The following CCDC178 variants were observed in gnomAD, a reference collection of about 807,000 sequenced individuals.
CCDC178 encodes the protein coiled-coil domain containing 178.
A neutral mutation model predicts 117.4 loss-of-function variants in CCDC178; 126 were observed. The ratio of observed to expected loss-of-function variants is 1.07; its 90% confidence interval spans 0.93 to 1.24. The LOEUF is 1.24. Among genes scored for constraint, CCDC178 ranks in the 50% most tolerant of loss-of-function variants. CCDC178 has a pLI of 0.00. For synonymous variants in CCDC178, 283 were observed against 313.4 expected (o/e 0.90, Z 1.02); for missense variants, 1,030 against 986.9 (o/e 1.04, Z -0.59).
intron 22 of CCDC178, among the ~76,000 whole-genome samples, chr18:32,958,966 G>A (rs1002180079): frequency 1.3e-5 from 2 of 152,128 alleles, no homozygotes; most frequent in Non-Finnish European, 2.9e-5. Context: ...CTCTGGACCC[G>A]TAACTCAGCT....
chr18:32,973,640 G>T (rs1208419557), intron 22 of CCDC178, among the ~76,000 whole-genome samples: 1 of 151,836 alleles, frequency 6.6e-6, no homozygotes, highest in Non-Finnish European at 1.5e-5. Context: ...ATTTGAAATC[G>T]CTTCATAGCT....
intron 20 of CCDC178, among the ~76,000 whole-genome samples, chr18:33,209,759 T>C (rs1239181629): frequency 6.6e-6 from 1 of 152,052 alleles, no homozygotes; most frequent in Non-Finnish European, 1.5e-5. Context: ...ACAAGAGCTA[T>C]CCAAGAAACT....
intron 5 of CCDC178, among the ~76,000 whole-genome samples, chr18:33,371,318 T>A (rs1040874279): frequency 6.6e-6 from 1 of 151,940 alleles, no homozygotes; most frequent in African/African-American, 2.4e-5. Context: ...AATGACCTTT[T>A]TATGAGCACT....
Position 33,370,152 on chromosome 18 carries a change from T to C in CCDC178, c.246A>G (p.Arg82=). ...NKGIYFSYPC[R]RHSCAVVNIP... is the part of the protein sequence containing the mutation. ...TATTTACTACGGCACAGCTGTGACG[T>C]CGACATGGGTAGCTAAAGTAAATGC... The change falls in exon 6 of 23, where the codon CGA becomes CGG. Residue 82 remains arginine (R), a synonymous_variant. Transcript: ENST00000383096. The C allele has an allele frequency of 6.2e-7, 1 of 1,604,106 alleles. No homozygotes were observed.
intron 15 of CCDC178, among the ~76,000 whole-genome samples, chr18:33,227,979 T>C (rs546054714): frequency 2.6e-4 from 40 of 152,292 alleles, no homozygotes; most frequent in Non-Finnish European, 4.7e-4. Flanking sequence ...TATTATTTAA[T>C]AGAAATGGAA....
At chr18:33,112,281 C>T (rs1188704634) in intron 20 of CCDC178, among the ~76,000 whole-genome samples, 1 of 151,794 alleles carries the variant, frequency 6.6e-6, no homozygotes, top group Admixed American at 6.6e-5. Flanking sequence ...TCCAGTTCTC[C>T]TTACAGGGAA....
At chr18:33,057,886 C>T (rs2056857534) in intron 21 of CCDC178, among the ~76,000 whole-genome samples, 1 of 152,088 alleles carries the variant, frequency 6.6e-6, no homozygotes. Flanking sequence ...AAGCTCTATA[C>T]AGTATTACAA....
At position 33,275,782 on chromosome 18, in the gene CCDC178, T is replaced by C. The variant is rs1469565874; in HGVS notation, c.1177-8485A>G. 1.3e-5 allele frequency among the ~76,000 whole-genome samples: 2 copies of C among 151,522 alleles called. 1 individual carries two copies. The highest frequency in any genetic ancestry group is 3.0e-5 in the Non-Finnish European group (2 of 67,792). On this transcript the variant is annotated intron_variant, in intron 12 of 22. Transcript: ENST00000383096. ...AACCCAGAGTTTTTTCTGCCAGCTT[T>C]GCAAATTCATTGGTTTCTAAATTTT...
At chr18:33,332,953 G>A (rs978054493) in intron 10 of CCDC178, among the ~76,000 whole-genome samples, 2 of 151,390 alleles carry the variant, frequency 1.3e-5, no homozygotes, top group African/African-American at 4.9e-5. Flanking sequence ...AATTTTACCA[G>A]AAGTTTGACT....
chr18:33,001,500 G>A (rs930400182), intron 21 of CCDC178, among the ~76,000 whole-genome samples: 5 of 151,888 alleles, frequency 3.3e-5, no homozygotes, highest in African/African-American at 7.3e-5. Context: ...GCGACAGAGC[G>A]AGACTCTGTC....
intron 12 of CCDC178, among the ~76,000 whole-genome samples, chr18:33,281,454 T>C (rs1474251518): frequency 2.6e-5 from 4 of 152,124 alleles, no homozygotes; most frequent in Non-Finnish European, 5.9e-5. Flanking sequence ...ATGTTTAAAG[T>C]CATGTTCAAA....
intron 21 of CCDC178, among the ~76,000 whole-genome samples, chr18:33,005,399 C>T (rs936087949): frequency 1.3e-5 from 2 of 151,610 alleles, no homozygotes; most frequent in Admixed American, 6.6e-5. Context: ...TCTGTGGGAA[C>T]TAAAAAGTAA....
intron 20 of CCDC178, among the ~76,000 whole-genome samples, chr18:33,102,424 T>TAAA (rs36099291): frequency 0.11 from 13,180 of 118,212 alleles, 939 homozygotes; most frequent in African/African-American, 0.22. Context: ...TGCTTTGAAG[T>TAAA]AAAAAAAAAA....
Position 33,065,486 on chromosome 18 carries a change from G to T in CCDC178, c.2388+27275C>A, listed in dbSNP as rs559338499. Among the ~76,000 whole-genome samples the T allele has an allele frequency of 3.9e-5, 6 of 152,266 alleles. No individual in the cohort carries two copies. In the South Asian group the frequency reaches 1.2e-3, roughly 32 times the overall value. The stretch of plus-strand genomic sequence containing the variant: ...TTTTGGGATTTCCAGAAGGAGACGA[G>T]ATGGATAAAAGCATAAAAACACCTG... On this transcript the variant is annotated intron_variant, in intron 21 of 22. Coordinates refer to ENST00000383096, the MANE Select transcript of CCDC178 (RefSeq NM_001105528.4).
chr18:33,275,179 G>A (rs562357130), intron 12 of CCDC178, among the ~76,000 whole-genome samples: 1 of 151,916 alleles, frequency 6.6e-6, no homozygotes, highest in South Asian at 2.1e-4. Context: ...CCAACAATTA[G>A]GTTGGTATAA....
chr18:33,224,719 AACTT>A, intron 17 of CCDC178, 52 bp downstream of exon 17: 1 of 1,122,880 alleles, frequency 8.9e-7, no homozygotes, highest in South Asian at 2.2e-5. Context: ...TCACATGCGT[AACTT>A]ACTAACGTAT....
chr18:33,404,548 C>T (rs540393626), intron 3 of CCDC178, among the ~76,000 whole-genome samples: 2 of 152,078 alleles, frequency 1.3e-5, no homozygotes, highest in African/African-American at 4.8e-5. Flanking sequence ...AGCAATTTGG[C>T]AATTACTAAT....
At chr18:33,028,812 A>T (rs1167799526) in intron 21 of CCDC178, among the ~76,000 whole-genome samples, 1 of 151,736 alleles carries the variant, frequency 6.6e-6, no homozygotes, top group African/African-American at 2.4e-5. Context: ...TATTGATGTG[A>T]TGTATTACAT....
At chr18:33,157,683 C>T (rs892999613) in intron 20 of CCDC178, among the ~76,000 whole-genome samples, 6 of 152,094 alleles carry the variant, frequency 3.9e-5, no homozygotes, top group Non-Finnish European at 7.4e-5. Context: ...ATTCTTGAGT[C>T]ATTACTCTGA....
Sources: allele counts gnomAD v4.1 joint callset (sites outside exome capture counted in the v4.1 genomes callset), GRCh38; gene constraint gnomAD v4.1.1; transcripts MANE v1.5; gene names NCBI Gene and HGNC (gene_info 2026-07-23, HGNC 2026-07-21).